ZFAND5: variants seen among roughly 807,000 people sequenced by gnomAD.
ZFAND5 encodes the protein AN1-type zinc finger protein 5.
Under a neutral mutation model 23.6 loss-of-function variants are expected in ZFAND5, and 4 were observed. The ratio of observed to expected loss-of-function variants is 0.17; its 90% CI spans 0.08 to 0.39. The LOEUF is 0.39. ZFAND5 is among the 10% of genes least tolerant of loss of function. The probability of loss-of-function intolerance (pLI) is 1.00; values close to 1 mark genes in which losing one functional copy is unlikely to be tolerated. For synonymous variants in ZFAND5, 68 were observed against 80.6 expected (o/e 0.84, Z 0.84); for missense variants, 161 against 253.7 (o/e 0.63, Z 2.48).
rs1478977931 is a variant in ZFAND5 at position 72,355,094 on chromosome 9, A to G, written c.*859T>C. 3 of 152,680 alleles carry G rather than the reference A, an allele frequency of 2.0e-5. No individual in the cohort carries two copies. Among genetic ancestry groups the G allele is most frequent in the Non-Finnish European group, 4.4e-5 (3 of 68,046 alleles). 9.5% of individuals were successfully genotyped at this position (152,680 alleles called of 1,614,324 possible). On this transcript the variant is annotated 3_prime_UTR_variant, in exon 7 of 7. Transcript: ENST00000376962. ...AAACATTCGACAAAAGATGCACATG[A>G]AAAATTATTCAGATACCTTTGCAAC...
rs2984531 is a variant in ZFAND5, at chr9:72,352,681, A to C, written c.*3272T>G. 1 of 152,274 alleles carries C rather than the reference A, an allele frequency of 6.6e-6. No homozygotes were observed. The highest frequency in any genetic ancestry group is 2.4e-5 in the African/African-American group (1 of 41,464). 9.4% of individuals were successfully genotyped at this position (152,274 alleles called of 1,614,324 possible). ...CTTTAAACTGCAAGTTTAAATAACA[A>C]ATCTTTATCTTTTCACTATACAACT... On this transcript the variant is annotated 3_prime_UTR_variant, in exon 7 of 7. Coordinates refer to ENST00000376962, the MANE Select transcript of ZFAND5 (RefSeq NM_001102420.3).
chr9:72,357,499 G>A (rs1213230982), intron 5 of ZFAND5, among the ~76,000 whole-genome samples: 2 of 151,596 alleles, frequency 1.3e-5, no homozygotes, highest in East Asian at 1.9e-4. Flanking sequence ...ATGCTTATAG[G>A]AAAAAAAATC....
intron 3 of ZFAND5, 129 bp from the exon 4 acceptor site, chr9:72,360,350 T>C (rs970668673): frequency 3.4e-6 from 3 of 889,904 alleles, no homozygotes; most frequent in Non-Finnish European, 5.2e-6. Context: ...TGTAATCCTA[T>C]ACTTGAGTAT....
intron 4 of ZFAND5, 33 bp from the exon 5 acceptor site, chr9:72,359,554 T>C (rs1292473167): frequency 2.5e-6 from 4 of 1,588,754 alleles, no homozygotes; most frequent in Non-Finnish European, 3.4e-6. Flanking sequence ...TTTTTAAAGG[T>C]GTTAAGGGTA....
rs1408377087 is a variant in ZFAND5 at position 72,353,015 on chromosome 9, A to G, written c.*2938T>C. 3 of 152,254 alleles carry G rather than the reference A, an allele frequency of 2.0e-5. No homozygotes were observed. The East Asian group carries it at 5.8e-4, about 29-fold the overall frequency. 9.4% of individuals were successfully genotyped at this position (152,254 alleles called of 1,614,324 possible). On this transcript the variant is annotated 3_prime_UTR_variant, in exon 7 of 7. Coordinates refer to ENST00000376962, the MANE Select transcript of ZFAND5 (RefSeq NM_001102420.3). ...GTTGTGGGAAGCCTACCTAGGATCA[A>G]ACCTGAGGCTCTAGTTTTACAGATC...
At chr9:72,360,425 A>T in intron 3 of ZFAND5, 2 of 855,836 alleles carry the variant, frequency 2.3e-6, no homozygotes, top group Non-Finnish European at 3.5e-6. Context: ...AACCCCAAAA[A>T]AGAAAACTGA....
Position 72,355,763 on chromosome 9 carries a change from A to T in ZFAND5, c.*190T>A. On this transcript the variant is annotated 3_prime_UTR_variant, in exon 7 of 7. Transcript: ENST00000376962. Reference sequence around the variant, plus strand: ...TTCAGGGGAGGGCATATACATTTGTAGGGCTGTATCTATCCAATTCTGCCT... The same window carrying T: ...TTCAGGGGAGGGCATATACATTTGTTGGGCTGTATCTATCCAATTCTGCCT... 1 of 478,052 alleles carries T rather than the reference A, an allele frequency of 2.1e-6. No homozygotes were observed. 29.6% of individuals were successfully genotyped at this position (478,052 alleles called of 1,614,324 possible). A position where few individuals can be genotyped will look rare whatever the true frequency, so the allele number is the denominator to read the frequency against.
At chr9:72,356,883 T>C (rs2131974342) in intron 6 of ZFAND5, 48 bp downstream of exon 6, 2 of 1,606,456 alleles carry the variant, frequency 1.2e-6, no homozygotes, top group Non-Finnish European at 1.7e-6. Context: ...CAAAAGCTCC[T>C]TGTTAACTGC....
Position 72,351,961 on chromosome 9 carries a change from C to T in ZFAND5, c.*3992G>A, listed in dbSNP as rs570944278. ...CACTCTCCAAAATTATAAGTTAATA[C>T]TTATGGACAAAAACCACTATTGAGA... On this transcript the variant is annotated 3_prime_UTR_variant, in exon 7 of 7. Transcript: ENST00000376962. 16 of 152,286 alleles carry T rather than the reference C, an allele frequency of 1.1e-4. No individual in the cohort carries two copies. The highest frequency in any genetic ancestry group is 3.9e-4 in the African/African-American group (16 of 41,546). 9.4% of individuals were successfully genotyped at this position (152,286 alleles called of 1,614,324 possible).
At chr9:72,364,309 A>G in intron 1 of ZFAND5, 1 of 681,138 alleles carries the variant, frequency 1.5e-6, no homozygotes, top group South Asian at 2.1e-5. Context: ...CTTAGGGGAG[A>G]GCTAGGGGGG....
chr9:72,354,179 TACA>T lies in ZFAND5; in HGVS notation c.*1771_*1773del, dbSNP rs1446581163. 4 of 152,228 alleles carry T rather than the reference TACA, an allele frequency of 2.6e-5. No individual in the cohort carries two copies. The highest frequency in any genetic ancestry group is 2.6e-4 in the Admixed American group (4 of 15,286). 9.4% of individuals were successfully genotyped at this position (152,228 alleles called of 1,614,324 possible). Reference sequence around the variant, plus strand: ...AGAATTGTCATAAAACATCATCTTTTACAACATGGAGAAGCGAGGTAGGCCATA... The same window carrying T: ...AGAATTGTCATAAAACATCATCTTTTACATGGAGAAGCGAGGTAGGCCATA... On this transcript the variant is annotated 3_prime_UTR_variant, in exon 7 of 7. Coordinates refer to ENST00000376962, the MANE Select transcript of ZFAND5 (RefSeq NM_001102420.3).
intron 2 of ZFAND5, among the ~76,000 whole-genome samples, chr9:72,362,554 A>G (rs1424674550): frequency 6.6e-6 from 1 of 152,230 alleles, no homozygotes; most frequent in African/African-American, 2.4e-5. Context: ...TGTTTTAGAT[A>G]AAATGGAGGA....
At chr9:72,364,558 G>A in intron 1 of ZFAND5, 138 bp downstream of exon 1, 1 of 1,270,694 alleles carries the variant, frequency 7.9e-7, no homozygotes. Context: ...CTGGCGGGCG[G>A]GCTCCCCTCC....
intron 2 of ZFAND5, among the ~76,000 whole-genome samples, chr9:72,362,389 G>A (rs953867000): frequency 6.6e-6 from 1 of 152,190 alleles, no homozygotes; most frequent in Non-Finnish European, 1.5e-5. Context: ...TTTGCCCTAT[G>A]CATGAAAGTT....
rs1419561932 is a variant in ZFAND5, at chr9:72,356,008, G to A, written c.587C>T (p.Ala196Val). Residue 196 changes from alanine (A) to valine (V), a missense_variant, in exon 7 of 7, where the codon GCA becomes GTA. By Grantham distance (64) the Ala-to-Val change is moderately conservative. This residue lies in a region of ZFAND5 where 24 missense variants were observed against 80.0 expected (regional missense o/e 0.30). Coordinates refer to ENST00000376962, the MANE Select transcript of ZFAND5 (RefSeq NM_001102420.3). ...CPYDYKAEAA[A>V]KIRKENPVVV... ...AACTGGATTCTCTTTTCTGATTTTT[G>A]CTGCAGCTTCTGCTTTGTAATCATA... 4 of 1,612,338 alleles carry A rather than the reference G, an allele frequency of 2.5e-6. No individual in the cohort carries two copies.
rs1842214696 is a variant in ZFAND5, at chr9:72,364,719, G to A, written c.-170C>T. On this transcript the variant is annotated 5_prime_UTR_variant, in exon 1 of 7. Transcript: ENST00000376962. Reference sequence around the variant, plus strand: ...ACCCTGCAGGGTCCCAAATGCGAAAGCCGGGTTCGCGCGCGAAGCCGGCAC... The same window carrying A: ...ACCCTGCAGGGTCCCAAATGCGAAAACCGGGTTCGCGCGCGAAGCCGGCAC... 7.3e-6 allele frequency: 6 copies of A among 816,490 alleles called. No individual in the cohort carries two copies. The South Asian group carries it at 1.3e-4, about 17-fold the overall frequency. 50.6% of individuals were successfully genotyped at this position (816,490 alleles called of 1,614,324 possible).
chr9:72,358,319 A>C (rs888870384), intron 5 of ZFAND5, among the ~76,000 whole-genome samples: 1 of 152,102 alleles, frequency 6.6e-6, no homozygotes, highest in African/African-American at 2.4e-5. Flanking sequence ...GGGTAGAGGG[A>C]GGGTGTCAGC....
rs1841789917 is a variant in ZFAND5 at position 72,352,155 on chromosome 9, C to A, written c.*3798G>T. ...TAAAAATACAAAAAAACCCAAAAAA[C>A]AAAAAACATTAGCCAGGTGTGGTGA... On this transcript the variant is annotated 3_prime_UTR_variant, in exon 7 of 7. Coordinates refer to ENST00000376962, the MANE Select transcript of ZFAND5 (RefSeq NM_001102420.3). 1 of 152,014 alleles carries A rather than the reference C, an allele frequency of 6.6e-6. No individual in the cohort carries two copies. Among genetic ancestry groups the A allele is most frequent in the South Asian group, 2.1e-4 (1 of 4,822 alleles). The allele number at this position is 152,014 out of a possible 1,614,324, so 9.4% of individuals were successfully genotyped here.
Position 72,356,066 on chromosome 9 carries a change from G to A in ZFAND5, c.529C>T (p.Leu177Phe), listed in dbSNP as rs759749207. The A allele has an allele frequency of 1.9e-6, 3 of 1,613,534 alleles. No individual in the cohort carries two copies. Among genetic ancestry groups the A allele is most frequent in the Non-Finnish European group, 1.7e-6 (2 of 1,179,772 alleles). ...TTGTGCTTGTCAGAGTAACGGTGAA[G>A]TCCACAAAACAAATTTCCACATCGG... is the stretch of plus-strand genomic sequence containing the variant. ...DCRCGNLFCGLHRYSDKHNCP... is the reference protein window; with the variant it reads ...DCRCGNLFCGFHRYSDKHNCP... The change falls in exon 7 of 7, where the codon CTT becomes TTT. Residue 177 changes from leucine to phenylalanine, a missense_variant. Around this residue, in one of 3 missense-constraint regions of ZFAND5, gnomAD observed 24 missense variants for 80.0 expected, o/e 0.30. Coordinates refer to ENST00000376962, the MANE Select transcript of ZFAND5 (RefSeq NM_001102420.3).
Sources: allele counts gnomAD v4.1 joint callset (sites outside exome capture counted in the v4.1 genomes callset), GRCh38; gene constraint gnomAD v4.1.1; regional missense constraint gnomAD v4.1.1; transcripts MANE v1.5; gene names NCBI Gene and HGNC (gene_info 2026-07-23, HGNC 2026-07-21).